MTRES1: variants seen among roughly 807,000 people sequenced by gnomAD.
The protein encoded by MTRES1 is uncharacterized protein C6orf203.
Under a neutral mutation model 17.4 loss-of-function variants are expected in MTRES1, and 11 were observed. That is an observed-to-expected ratio of 0.63 (90% CI 0.40 to 1.05). The LOEUF (loss-of-function observed/expected upper bound fraction) is 1.05, where lower values mean the gene tolerates loss of function less well. Ranked by LOEUF, MTRES1 falls within the 50% of genes least tolerant of loss-of-function variation. The pLI is 0.00. For synonymous variants in MTRES1, 94 were observed against 99.6 expected, an observed-to-expected ratio of 0.94 and a Z score of 0.34; for missense variants, 268 against 276.2, an observed-to-expected ratio of 0.97 and a Z score of 0.21.
At position 107,051,202 on chromosome 6, in the gene MTRES1, G is replaced by C. The variant is rs939939252; in HGVS notation, c.689G>C (p.Ser230Thr). Residue 230 changes from serine to threonine, a missense_variant, in exon 4 of 4, where the codon AGT becomes ACT. By Grantham distance (58) the Ser-to-Thr change is moderately conservative (BLOSUM62 1). Coordinates refer to ENST00000311381, the MANE Select transcript of MTRES1 (RefSeq NM_016487.5). Reference protein sequence around the residue: ...KYRVVLRRWKSLKLPKKRMSK With the variant: ...KYRVVLRRWKTLKLPKKRMSK ...AGAGTGGTGTTACGGCGGTGGAAAA[G>C]TTTAAAGTTGCCTAAGAAGAGAATG... The C allele has an allele frequency of 1.9e-6, 3 of 1,613,872 alleles. 1 individual carries two copies. Among genetic ancestry groups the C allele is most frequent in the South Asian group, 2.2e-5 (2 of 90,966 alleles).
rs144245959 is a variant in MTRES1, at chr6:107,044,520, C to A, written c.543+188C>A. Among the ~76,000 whole-genome samples, 664 of 152,242 alleles carry A rather than the reference C, an allele frequency of 4.4e-3. 1 individual carries two copies. Among genetic ancestry groups the A allele is most frequent in the African/African-American group, 0.015 (634 of 41,544 alleles). ...CACACAGGCACTTTCACTTTTGCAG[C>A]CTTAATGATCTTCTGATGAAGCTTC... On this transcript the variant is annotated intron_variant, in intron 3 of 3. Coordinates refer to ENST00000311381, the MANE Select transcript of MTRES1 (RefSeq NM_016487.5).
intron 1 of MTRES1, chr6:107,029,041 T>G (rs1582586320): frequency 4.7e-6 from 1 of 213,002 alleles, no homozygotes; most frequent in African/African-American, 2.8e-5. Flanking sequence ...GTTTTGTTTT[T>G]TTGAGACGGA....
At chr6:107,030,611 A>G (rs1034215516) in intron 1 of MTRES1, among the ~76,000 whole-genome samples, 2 of 152,196 alleles carry the variant, frequency 1.3e-5, no homozygotes, top group East Asian at 1.9e-4. Flanking sequence ...GAAAGCTTGT[A>G]GAGCTCATTT....
chr6:107,030,151 G>A, intron 1 of MTRES1: 1 of 718,568 alleles, frequency 1.4e-6, no homozygotes, highest in Non-Finnish European at 2.6e-6. Flanking sequence ...TGCTGAAGCT[G>A]AATTTGCAAG....
intron 3 of MTRES1, among the ~76,000 whole-genome samples, chr6:107,048,039 A>C (rs1413974677): frequency 6.6e-6 from 1 of 152,210 alleles, no homozygotes; most frequent in Non-Finnish European, 1.5e-5. Context: ...TAGCCACTGC[A>C]TTCCAGCCTG....
At chr6:107,050,328 A>G (rs797039023) in intron 3 of MTRES1, among the ~76,000 whole-genome samples, 13 of 152,330 alleles carry the variant, frequency 8.5e-5, no homozygotes, top group African/African-American at 3.1e-4. Flanking sequence ...TGCATGTAGT[A>G]ATTACTGTGC....
intron 3 of MTRES1, among the ~76,000 whole-genome samples, chr6:107,046,930 TTGTGTGTGTGTGTGTGTG>T (rs67662472): frequency 5.5e-3 from 181 of 33,020 alleles, no homozygotes; most frequent in African/African-American, 0.011. Context: ...GGATTCATTC[TTGTGTGTGTGTGTGTGTG>T]TGTGTGTGTG....
chr6:107,047,288 C>G (rs887617326), intron 3 of MTRES1, among the ~76,000 whole-genome samples: 1 of 151,740 alleles, frequency 6.6e-6, no homozygotes, highest in African/African-American at 2.4e-5. Flanking sequence ...GGTGGTGCAG[C>G]CACAGCTCAT....
At chr6:107,033,275 G>A (rs1773902551) in intron 1 of MTRES1, among the ~76,000 whole-genome samples, 1 of 152,070 alleles carries the variant, frequency 6.6e-6, no homozygotes, top group Non-Finnish European at 1.5e-5. Context: ...TGCAACCAGA[G>A]TATGGAAAAG....
chr6:107,048,935 C>T (rs1554228788), intron 3 of MTRES1, among the ~76,000 whole-genome samples: 1 of 151,888 alleles, frequency 6.6e-6, no homozygotes, highest in African/African-American at 2.4e-5. Flanking sequence ...TTCTGCTTCT[C>T]AGCCCACAGG....
At chr6:107,029,420 T>C (rs1773754538) in intron 1 of MTRES1, among the ~76,000 whole-genome samples, 1 of 151,764 alleles carries the variant, frequency 6.6e-6, no homozygotes, top group South Asian at 2.1e-4. Flanking sequence ...ATTTCCTGAC[T>C]TCCTGATCCG....
intron 1 of MTRES1, among the ~76,000 whole-genome samples, chr6:107,036,346 C>T (rs6915769): frequency 0.26 from 39,079 of 151,664 alleles, 5,299 homozygotes; most frequent in Non-Finnish European, 0.31. Context: ...GAGTTCCAGA[C>T]GAGCCTGACC....
chr6:107,030,113 T>A (rs1177647083), intron 1 of MTRES1: 1 of 718,474 alleles, frequency 1.4e-6, no homozygotes, highest in Non-Finnish European at 2.6e-6. Context: ...ACATGGTAAG[T>A]GCTTAATTAA....
intron 1 of MTRES1, among the ~76,000 whole-genome samples, chr6:107,030,926 G>A (rs1554226348): frequency 6.6e-6 from 1 of 152,184 alleles, no homozygotes; most frequent in Non-Finnish European, 1.5e-5. Context: ...AGATTAGGGT[G>A]TGGTTGGCAT....
intron 2 of MTRES1, among the ~76,000 whole-genome samples, chr6:107,041,726 C>A (rs909285333): frequency 4.4e-4 from 67 of 151,996 alleles, no homozygotes; most frequent in African/African-American, 1.5e-3. Context: ...GACGGGATTT[C>A]ACTGTGTTAG....
chr6:107,035,287 C>T (rs1443092512), intron 1 of MTRES1, among the ~76,000 whole-genome samples: 3 of 152,010 alleles, frequency 2.0e-5, no homozygotes, highest in Non-Finnish European at 4.4e-5. Flanking sequence ...GCACGCACCA[C>T]CATGCCCAGC....
chr6:107,028,450 G>T (rs1203704565), intron 1 of MTRES1, 179 bp downstream of exon 1: 1 of 152,362 alleles, frequency 6.6e-6, no homozygotes, highest in Admixed American at 6.5e-5. Flanking sequence ...TGAGCGCGGC[G>T]AAGCCTTCCG....
At chr6:107,037,908 G>A (rs1307075570) in intron 1 of MTRES1, among the ~76,000 whole-genome samples, 22 of 151,934 alleles carry the variant, frequency 1.4e-4, no homozygotes, top group African/African-American at 5.3e-4. Context: ...TAGTAGAGAT[G>A]GGGTTTCATC....
chr6:107,040,207 G>C lies in MTRES1; in HGVS notation c.447G>C (p.Lys149Asn). Residue 149 changes from lysine (K) to asparagine (N), a missense_variant, in exon 2 of 4, where the codon AAG becomes AAC. By Grantham distance (94) the Lys-to-Asn change is moderately conservative (BLOSUM62 0). Transcript: ENST00000311381. Reference protein sequence around the residue: ...VQSFRYDVVLKTGLDIGRNKV... With the variant: ...VQSFRYDVVLNTGLDIGRNKV... ...CTTTTCGGTATGATGTTGTCCTGAA[G>C]ACGGGGCTAGATATTGGGAGAAAGT... 1 of 1,601,214 alleles carries C rather than the reference G, an allele frequency of 6.2e-7. No homozygotes were observed. The highest frequency in any genetic ancestry group is 1.7e-4 in the Middle Eastern group (1 of 6,000).
Sources: gnomAD v4.1 joint callset for allele counts (sites outside exome capture counted in the v4.1 genomes callset) on GRCh38, gnomAD v4.1.1 for gene constraint, MANE v1.5 for transcripts, NCBI Gene and HGNC (gene_info 2026-07-23, HGNC 2026-07-21) for gene names.